CDH22: variants seen among roughly 807,000 people sequenced by gnomAD.
CDH22 encodes the protein cadherin-22.
CDH22 carries 30 observed loss-of-function variants against 58.4 expected under a neutral mutation model. That is an observed-to-expected ratio of 0.51 (90% CI 0.38 to 0.70). The LOEUF is 0.70. Among genes scored for constraint, CDH22 ranks in the 30% least tolerant of loss-of-function variants. The pLI, the probability that CDH22 is intolerant of heterozygous loss-of-function variation, is 0.00. For missense variants in CDH22, 1,014 were observed against 1,233.9 expected, an observed-to-expected ratio of 0.82 and a Z score of 2.67; for synonymous variants, 513 against 558.2, an observed-to-expected ratio of 0.92 and a Z score of 1.14.
At chr20:46,204,517 G>A (rs1482847473) in intron 7 of CDH22, among the ~76,000 whole-genome samples, 1 of 151,968 alleles carries the variant, frequency 6.6e-6, no homozygotes, top group Non-Finnish European at 1.5e-5. Flanking sequence ...TTGGTGTACA[G>A]ACTAGCTCTT....
chr20:46,282,102 T>A (rs944431289), intron 1 of CDH22, among the ~76,000 whole-genome samples: 3 of 152,208 alleles, frequency 2.0e-5, no homozygotes, highest in African/African-American at 7.2e-5. Flanking sequence ...AAGATACCGA[T>A]ACTGATGAGT....
rs2086029440 is a variant in CDH22 at position 46,210,085 on chromosome 20, C to T, written c.1286+222G>A. The T allele has an allele frequency of 2.2e-6, 1 of 445,456 alleles. No homozygotes were observed. Among genetic ancestry groups the T allele is most frequent in the South Asian group, 4.7e-5 (1 of 21,354 alleles). The allele number at this position is 445,456 out of a possible 1,614,324, so 27.6% of individuals were successfully genotyped here. On this transcript the variant is annotated intron_variant, in intron 7 of 11. Transcript: ENST00000537909. The surrounding 1 kb of genome is among the most constrained non-coding windows in gnomAD (Gnocchi z 4.5). ...TTCTCTCCCTTATTGGCCTGGCTCG[C>T]CTGCCTGTCTCATTGACTGTTCTCA... is the stretch of plus-strand genomic sequence containing the variant.
intron 1 of CDH22, among the ~76,000 whole-genome samples, chr20:46,277,602 G>A (rs1486879760): frequency 1.3e-5 from 2 of 152,148 alleles, no homozygotes; most frequent in Non-Finnish European, 2.9e-5. Context: ...TCAGAGAGGT[G>A]GGAGGAATAG....
chr20:46,203,514 T>C (rs998296101), intron 7 of CDH22, among the ~76,000 whole-genome samples: 2 of 152,230 alleles, frequency 1.3e-5, no homozygotes, highest in African/African-American at 2.4e-5. Context: ...AGCTCAGCCC[T>C]GGGTCTGGAT....
At chr20:46,290,413 C>G (rs1039586662) in intron 1 of CDH22, among the ~76,000 whole-genome samples, 3 of 152,146 alleles carry the variant, frequency 2.0e-5, no homozygotes, top group East Asian at 1.9e-4. Flanking sequence ...CTACAATGCC[C>G]GGGACAGCCC....
At chr20:46,259,612 G>T (rs1240363886) in intron 1 of CDH22, among the ~76,000 whole-genome samples, 1 of 152,232 alleles carries the variant, frequency 6.6e-6, no homozygotes, top group Admixed American at 6.5e-5. Context: ...AGATGTGAAG[G>T]CTCAGAGGAA....
chr20:46,184,611 T>C (rs1319440048), intron 10 of CDH22, among the ~76,000 whole-genome samples: 1 of 152,200 alleles, frequency 6.6e-6, no homozygotes, highest in African/African-American at 2.4e-5. Flanking sequence ...TTTTGTTGTG[T>C]TTGCTGTTGC....
intron 8 of CDH22, among the ~76,000 whole-genome samples, chr20:46,188,833 C>T (rs984049771): frequency 9.9e-5 from 15 of 152,062 alleles, no homozygotes; most frequent in African/African-American, 3.6e-4. Flanking sequence ...TTCCACCTGC[C>T]AGTGACCTCA....
chr20:46,298,587 G>A (rs1316318338), intron 1 of CDH22, among the ~76,000 whole-genome samples: 1 of 152,132 alleles, frequency 6.6e-6, no homozygotes, highest in Non-Finnish European at 1.5e-5. Context: ...TTTAAATGGA[G>A]GTGGGTGGGC....
At chr20:46,219,571 C>T (rs915975750) in intron 4 of CDH22, among the ~76,000 whole-genome samples, 9 of 152,252 alleles carry the variant, frequency 5.9e-5, no homozygotes, top group East Asian at 1.9e-4. Flanking sequence ...CAGCACTAAC[C>T]GTCGCCTTAG....
chr20:46,211,864 T>C (rs141657054), intron 6 of CDH22, among the ~76,000 whole-genome samples: 92 of 151,908 alleles, frequency 6.1e-4, no homozygotes, highest in African/African-American at 2.0e-3. Context: ...ACTAGATGCA[T>C]GGCCTTGGGA....
chr20:46,177,802 T>G (rs2085751637), intron 11 of CDH22, 144 bp downstream of exon 11: 1 of 1,053,198 alleles, frequency 9.5e-7, no homozygotes, highest in Non-Finnish European at 1.4e-6. Context: ...TGGGGGCTGC[T>G]TGTTAGAGCT....
intron 8 of CDH22, among the ~76,000 whole-genome samples, chr20:46,189,109 G>A (rs1439100782): frequency 6.6e-6 from 1 of 152,226 alleles, no homozygotes; most frequent in East Asian, 1.9e-4. Context: ...CCACCTCCTG[G>A]GGGGGCGGGC....
rs183778813 is a variant in CDH22 at position 46,210,928 on chromosome 20, C to G, written c.1033-368G>C. Among the ~76,000 whole-genome samples, 2 of 152,296 alleles carry G rather than the reference C, an allele frequency of 1.3e-5. No homozygotes were observed. Among genetic ancestry groups the G allele is most frequent in the African/African-American group, 4.8e-5 (2 of 41,568 alleles). On this transcript the variant is annotated intron_variant, in intron 6 of 11. Transcript: ENST00000537909. The surrounding 1 kb of genome is among the most constrained non-coding windows in gnomAD (Gnocchi z 4.5). ...TATATTAACTCAACTTGACATCAAC[C>G]CTAAGAGGCTTGTATTCTTATGATC...
intron 1 of CDH22, among the ~76,000 whole-genome samples, chr20:46,274,476 T>C (rs897460977): frequency 1.3e-5 from 2 of 152,240 alleles, no homozygotes; most frequent in Non-Finnish European, 2.9e-5. Flanking sequence ...TGTTCCACTG[T>C]AGATTATTCT....
chr20:46,179,211 C>A (rs1397921339), intron 10 of CDH22, among the ~76,000 whole-genome samples: 1 of 152,246 alleles, frequency 6.6e-6, no homozygotes, highest in Non-Finnish European at 1.5e-5. Context: ...AAGGCTGCTG[C>A]CCCTCCCTTC....
intron 1 of CDH22, among the ~76,000 whole-genome samples, chr20:46,259,895 A>G (rs939062311): frequency 6.6e-6 from 1 of 152,240 alleles, no homozygotes; most frequent in African/African-American, 2.4e-5. Context: ...AAAAAGAGTT[A>G]TGGGAAATAC....
At chr20:46,179,290 T>G (rs572073883) in intron 10 of CDH22, among the ~76,000 whole-genome samples, 2 of 152,242 alleles carry the variant, frequency 1.3e-5, no homozygotes, top group African/African-American at 4.8e-5. Context: ...CTCCCCGCGG[T>G]CTTCAGTCTG....
intron 7 of CDH22, among the ~76,000 whole-genome samples, chr20:46,206,050 G>T (rs1050573750): frequency 1.3e-5 from 2 of 152,096 alleles, no homozygotes; most frequent in African/African-American, 4.8e-5. Context: ...CTCAGCCCAA[G>T]CCCACTTGGA....
Sources: gnomAD v4.1 joint callset for allele counts (sites outside exome capture counted in the v4.1 genomes callset) on GRCh38, gnomAD v4.1.1 for gene constraint, Gnocchi (gnomAD v3.1) non-coding constraint, MANE v1.5 for transcripts, NCBI Gene and HGNC (gene_info 2026-07-23, HGNC 2026-07-21) for gene names.